CNBD1: variants seen among roughly 807,000 people sequenced by gnomAD.
CNBD1 encodes the protein cyclic nucleotide-binding domain-containing protein 1.
CNBD1 carries 71 observed loss-of-function variants against 54.4 expected under a neutral mutation model. That is an observed-to-expected ratio of 1.30 (90% CI 1.08 to 1.59). The LOEUF (loss-of-function observed/expected upper bound fraction) is 1.59, where lower values mean the gene tolerates loss of function less well. CNBD1 is among the 40% of genes most tolerant of loss of function. CNBD1 has a pLI of 0.00. For missense variants in CNBD1, 659 were observed against 518.0 expected (o/e 1.27, Z -2.64); for synonymous variants, 182 against 170.7 (o/e 1.07, Z -0.51).
At chr8:87,171,830 G>A (rs1182449228) in intron 4 of CNBD1, among the ~76,000 whole-genome samples, 1 of 151,708 alleles carries the variant, frequency 6.6e-6, no homozygotes, top group Non-Finnish European at 1.5e-5. Flanking sequence ...CTAGAAATGG[G>A]GTTTCACCAT....
chr8:86,903,043 C>T (rs545858848), intron 2 of CNBD1, among the ~76,000 whole-genome samples: 13 of 152,166 alleles, frequency 8.5e-5, no homozygotes, highest in Admixed American at 2.6e-4. Flanking sequence ...TAAATTATAG[C>T]ATTACAGGCC....
intron 4 of CNBD1, among the ~76,000 whole-genome samples, chr8:87,081,248 A>G (rs1810984324): frequency 6.6e-6 from 1 of 151,878 alleles, no homozygotes; most frequent in African/African-American, 2.4e-5. Flanking sequence ...TTCCTTATTG[A>G]TTCTTCTTGA....
chr8:86,932,683 C>T (rs959098622), intron 3 of CNBD1, among the ~76,000 whole-genome samples: 1 of 151,546 alleles, frequency 6.6e-6, no homozygotes, highest in South Asian at 2.1e-4. Context: ...AATATTGGGG[C>T]CAGGCCATAG....
chr8:87,031,388 C>T (rs566014830), intron 4 of CNBD1, among the ~76,000 whole-genome samples: 1 of 152,290 alleles, frequency 6.6e-6, no homozygotes, highest in Admixed American at 6.5e-5. Flanking sequence ...TCAGAGAGAT[C>T]AGTGGAGTTG....
intron 1 of CNBD1, among the ~76,000 whole-genome samples, chr8:86,876,003 C>T (rs1808515007): frequency 6.6e-6 from 1 of 152,016 alleles, no homozygotes; most frequent in Non-Finnish European, 1.5e-5. Context: ...TGAGATTAAT[C>T]TCTGGTTTCC....
intron 3 of CNBD1, among the ~76,000 whole-genome samples, chr8:86,923,535 C>T (rs1458766139): frequency 6.6e-6 from 1 of 152,112 alleles, no homozygotes; most frequent in Non-Finnish European, 1.5e-5. Flanking sequence ...TTTGACCCAG[C>T]TTTGGGAAAT....
chr8:86,936,133 TC>T (rs1288478677), intron 3 of CNBD1, among the ~76,000 whole-genome samples: 3 of 151,490 alleles, frequency 2.0e-5, no homozygotes, highest in African/African-American at 4.8e-5. Flanking sequence ...AGATCCCTTC[TC>T]AAAAAAAAAT....
rs575861982 is a variant in CNBD1, at chr8:87,402,541, C to A, written c.214-26005C>A. ...CTATAGCTGAGATGGACATAAGGAC[C>A]GAGCATGAGCAAAGGCACAGAGGCA... On this transcript the variant is annotated intron_variant, in intron 2 of 7. Transcript: ENST00000521593. Among the ~76,000 whole-genome samples the A allele has an allele frequency of 1.0e-3, 154 of 152,024 alleles. 4 individuals are homozygous for A. The South Asian group carries it at 0.031, about 30-fold the overall frequency.
chr8:87,023,604 A>G (rs1809534481), intron 4 of CNBD1, among the ~76,000 whole-genome samples: 1 of 152,162 alleles, frequency 6.6e-6, no homozygotes, highest in African/African-American at 2.4e-5. Flanking sequence ...TATGTCATAT[A>G]TTTCTTTAAG....
At chr8:87,028,016 G>C (rs1410241774) in intron 4 of CNBD1, among the ~76,000 whole-genome samples, 1 of 151,880 alleles carries the variant, frequency 6.6e-6, no homozygotes, top group Non-Finnish European at 1.5e-5. Flanking sequence ...ACCCACAAAA[G>C]ACATTCACTT....
chr8:87,203,730 CAAGAATG>C (rs1200343234), intron 4 of CNBD1, among the ~76,000 whole-genome samples: 2 of 152,158 alleles, frequency 1.3e-5, no homozygotes, highest in African/African-American at 4.8e-5. Context: ...TCCTCCCCAT[CAAGAATG>C]AATATGTATA....
chr8:87,013,109 G>C (rs914009462), intron 4 of CNBD1, among the ~76,000 whole-genome samples: 1 of 152,212 alleles, frequency 6.6e-6, no homozygotes, highest in African/African-American at 2.4e-5. Flanking sequence ...TGAAAGTGGA[G>C]CTAAGGTACA....
intron 4 of CNBD1, among the ~76,000 whole-genome samples, chr8:87,114,097 G>C (rs990050145): frequency 1.3e-5 from 2 of 152,098 alleles, no homozygotes; most frequent in Non-Finnish European, 2.9e-5. Context: ...GAGAAAGTGA[G>C]CTACTATTAG....
chr8:87,215,567 G>A (rs1382686008), intron 5 of CNBD1, among the ~76,000 whole-genome samples: 2 of 145,432 alleles, frequency 1.4e-5, no homozygotes, highest in Non-Finnish European at 3.0e-5. Context: ...CAGCCTGGGC[G>A]ACAGAGTGAG....
At chr8:87,326,913 T>C (rs1319303711) in intron 8 of CNBD1, among the ~76,000 whole-genome samples, 1 of 83,390 alleles carries the variant, frequency 1.2e-5, no homozygotes, top group Non-Finnish European at 2.4e-5. Context: ...TTCTGTTCTG[T>C]TTTTTCCCCA....
intron 2 of CNBD1, among the ~76,000 whole-genome samples, chr8:87,423,444 T>C (rs940847195): frequency 1.3e-5 from 2 of 151,822 alleles, no homozygotes; most frequent in African/African-American, 2.4e-5. Flanking sequence ...TTTTGAAATA[T>C]GTCCCATCAG....
chr8:87,276,091 A>T (rs1808474923), intron 6 of CNBD1, among the ~76,000 whole-genome samples: 1 of 151,930 alleles, frequency 6.6e-6, no homozygotes, highest in Admixed American at 6.6e-5. Flanking sequence ...ATCAATGGTA[A>T]ATTCATTACT....
intron 4 of CNBD1, among the ~76,000 whole-genome samples, chr8:87,165,892 T>C (rs1563492885): frequency 6.6e-6 from 1 of 151,988 alleles, no homozygotes; most frequent in Non-Finnish European, 1.5e-5. Context: ...TTGTCTACAT[T>C]TTTATGTCCT....
chr8:87,109,768 G>A (rs922439129), intron 4 of CNBD1, among the ~76,000 whole-genome samples: 5 of 151,910 alleles, frequency 3.3e-5, no homozygotes, highest in African/African-American at 9.7e-5. Context: ...TTGATCTCCT[G>A]ACCTTGTGAT....
Sources: gnomAD v4.1 joint callset for allele counts (sites outside exome capture counted in the v4.1 genomes callset) on GRCh38, gnomAD v4.1.1 for gene constraint, MANE v1.5 for transcripts, NCBI Gene and HGNC (gene_info 2026-07-23, HGNC 2026-07-21) for gene names.